Variants in PITPNM3 observed in about 807,000 individuals in gnomAD.
The protein encoded by PITPNM3 is membrane-associated phosphatidylinositol transfer protein 3.
A neutral mutation model predicts 102.0 loss-of-function variants in PITPNM3; 26 were observed. The observed-to-expected ratio is 0.25, with a 90% CI of 0.19 to 0.35. The LOEUF is 0.35. Ranked by LOEUF, PITPNM3 falls within the 10% of genes least tolerant of loss-of-function variation. The probability of loss-of-function intolerance (pLI) is 1.00; values close to 1 mark genes in which losing one functional copy is unlikely to be tolerated. For missense variants in PITPNM3, 1,083 were observed against 1,346.1 expected (o/e 0.80, Z 3.06); for synonymous variants, 578 against 558.6 (o/e 1.03, Z -0.49).
chr17:6,465,346 C>A (rs182537803), intron 14 of PITPNM3, among the ~76,000 whole-genome samples: 1 of 152,314 alleles, frequency 6.6e-6, no homozygotes, highest in African/African-American at 2.4e-5. Flanking sequence ...GTGCCTGGCC[C>A]GTTCTCTGTT....
At chr17:6,494,506 C>G (rs774981933) in intron 4 of PITPNM3, among the ~76,000 whole-genome samples, 1 of 152,234 alleles carries the variant, frequency 6.6e-6, no homozygotes, top group Non-Finnish European at 1.5e-5. Context: ...TAACCCCTGC[C>G]AAGTGTGTGC....
chr17:6,472,470 A>G lies in PITPNM3; in HGVS notation c.1429+187T>C, dbSNP rs1905116663. Among the ~76,000 whole-genome samples the G allele has an allele frequency of 2.6e-5, 4 of 152,254 alleles. No individual in the cohort carries two copies. Reference sequence around the variant, plus strand: ...GCCTGTTGGGGGCCTCTGAGCCCCAAGATGCCTCAGACAAGCAGGTGCTTA... The same window carrying G: ...GCCTGTTGGGGGCCTCTGAGCCCCAGGATGCCTCAGACAAGCAGGTGCTTA... On this transcript the variant is annotated intron_variant, in intron 11 of 19. Coordinates refer to ENST00000262483, the MANE Select transcript of PITPNM3 (RefSeq NM_031220.4). The surrounding 1 kb of genome is among the most constrained non-coding windows in gnomAD (Gnocchi z 4.1).
At chr17:6,556,000 G>C (rs1243237087) in intron 1 of PITPNM3, among the ~76,000 whole-genome samples, 13 of 152,178 alleles carry the variant, frequency 8.5e-5, no homozygotes, top group Admixed American at 8.5e-4. Context: ...GCGCGTCCCG[G>C]TTTGCGTTGG....
At chr17:6,503,623 G>A (rs1907319007) in intron 3 of PITPNM3, 49 bp from the exon 4 acceptor site, 1 of 1,589,542 alleles carries the variant, frequency 6.3e-7, no homozygotes, top group Non-Finnish European at 8.5e-7. Context: ...ACTGTTGCCA[G>A]GCACTGTGTT....
In PITPNM3 at chr17:6,507,938, T is replaced by C. The variant is rs140832106; in HGVS notation, c.227-4364A>G. Among the ~76,000 whole-genome samples, 323 of 150,730 alleles carry C rather than the reference T, an allele frequency of 2.1e-3. 3 individuals are homozygous for C. The highest frequency in any genetic ancestry group is 7.5e-3 in the African/African-American group (305 of 40,594). On this transcript the variant is annotated intron_variant, in intron 3 of 19. Coordinates refer to ENST00000262483, the MANE Select transcript of PITPNM3 (RefSeq NM_031220.4). ...GTCCAGAGGTGGGGAGGTGGGAAAG[T>C]TGGGGAGGTGGGCAAGGATGAGAGC... is the stretch of plus-strand genomic sequence containing the variant.
intron 6 of PITPNM3, chr17:6,479,799 G>A (rs894477419): frequency 4.6e-5 from 7 of 152,244 alleles, no homozygotes; most frequent in Admixed American, 2.0e-4. Flanking sequence ...GATTGCAGCC[G>A]GAGAGATTTT....
chr17:6,507,821 T>C (rs917939822), intron 3 of PITPNM3, among the ~76,000 whole-genome samples: 3 of 152,110 alleles, frequency 2.0e-5, no homozygotes, highest in African/African-American at 7.2e-5. Context: ...GCCAAGTCCA[T>C]AGTCGGTACT....
intron 1 of PITPNM3, among the ~76,000 whole-genome samples, chr17:6,538,928 T>G (rs1299066537): frequency 6.6e-6 from 1 of 152,148 alleles, no homozygotes; most frequent in Admixed American, 6.5e-5. Flanking sequence ...CCCCCTACCC[T>G]GCAGGATGCT....
At chr17:6,484,727 G>C (rs892675531) in intron 4 of PITPNM3, among the ~76,000 whole-genome samples, 1 of 152,216 alleles carries the variant, frequency 6.6e-6, no homozygotes, top group Non-Finnish European at 1.5e-5. Flanking sequence ...ACTGGGCTGA[G>C]AGGTGCCCAG....
chr17:6,452,997 T>TCCC lies in PITPNM3; in HGVS notation c.*2340_*2341insGGG, dbSNP rs1913919330. 1 of 72,970 alleles carries TCCC rather than the reference T, an allele frequency of 1.4e-5. No homozygotes were observed. The highest frequency in any genetic ancestry group is 5.6e-5 in the African/African-American group (1 of 17,744). 4.5% of individuals were successfully genotyped at this position (72,970 alleles called of 1,614,324 possible). On this transcript the variant is annotated 3_prime_UTR_variant, in exon 20 of 20. Coordinates refer to ENST00000262483, the MANE Select transcript of PITPNM3 (RefSeq NM_031220.4). The stretch of plus-strand genomic sequence containing the variant: ...CTCTTCCTCTCTCTCTCTCTCTGTC[T>TCCC]TCCTTTCTCTCTCTCTCTCTCTCTC...
At chr17:6,545,697 A>G (rs1233955192) in intron 1 of PITPNM3, among the ~76,000 whole-genome samples, 2 of 152,090 alleles carry the variant, frequency 1.3e-5, no homozygotes, top group Non-Finnish European at 2.9e-5. Context: ...ATTCCTATTG[A>G]TGCTTGAAGC....
At chr17:6,455,901 G>A (rs1225901350) in intron 19 of PITPNM3, among the ~76,000 whole-genome samples, 1 of 151,676 alleles carries the variant, frequency 6.6e-6, no homozygotes, top group Non-Finnish European at 1.5e-5. Context: ...AGGAACCCTG[G>A]GGAAGTCGGG....
chr17:6,522,296 A>G (rs1198434483), intron 3 of PITPNM3, among the ~76,000 whole-genome samples: 1 of 152,042 alleles, frequency 6.6e-6, no homozygotes, highest in Non-Finnish European at 1.5e-5. Context: ...GCACACACAC[A>G]CACACACACA....
chr17:6,504,506 G>T (rs898621958), intron 3 of PITPNM3, among the ~76,000 whole-genome samples: 2 of 152,158 alleles, frequency 1.3e-5, no homozygotes, highest in African/African-American at 4.8e-5. Flanking sequence ...TGGGGTCATG[G>T]CCCCCGGGCT....
Position 6,455,219 on chromosome 17 carries a change from A to G in PITPNM3, c.*119T>C. 1.5e-6 allele frequency: 2 copies of G among 1,307,232 alleles called. No individual in the cohort carries two copies. Among genetic ancestry groups the G allele is most frequent in the Non-Finnish European group, 2.0e-6 (2 of 976,130 alleles). The allele number at this position is 1,307,232 out of a possible 1,614,324, so 81.0% of individuals were successfully genotyped here. A position where few individuals can be genotyped will look rare whatever the true frequency, so the allele number is the denominator to read the frequency against. On this transcript the variant is annotated 3_prime_UTR_variant, in exon 20 of 20. Coordinates refer to ENST00000262483, the MANE Select transcript of PITPNM3 (RefSeq NM_031220.4). ...CCCCGCTCTGGTCGGACACTGCTGG[A>G]CAGACACGGGAGGGAAAAAGCAGGA...
At chr17:6,490,012 A>T (rs8073106) in intron 4 of PITPNM3, among the ~76,000 whole-genome samples, 2 of 152,048 alleles carry the variant, frequency 1.3e-5, no homozygotes, top group Non-Finnish European at 1.5e-5. Context: ...ATCTCAAAAA[A>T]AAAAATAAAA....
At position 6,497,359 on chromosome 17, in the gene PITPNM3, C is replaced by T. The variant is rs115553781; in HGVS notation, c.274+6168G>A. 1.9e-3 allele frequency among the ~76,000 whole-genome samples: 296 copies of T among 152,238 alleles called. 1 individual carries two copies. Among genetic ancestry groups the T allele is most frequent in the African/African-American group, 6.5e-3 (269 of 41,540 alleles). On this transcript the variant is annotated intron_variant, in intron 4 of 19. Coordinates refer to ENST00000262483, the MANE Select transcript of PITPNM3 (RefSeq NM_031220.4). ...GGTGCGAAGTCAAACCACATGCCCA[C>T]GATGGGGAGAGGTGAGCTGAGCCAT...
At chr17:6,546,825 C>G (rs757837510) in intron 1 of PITPNM3, among the ~76,000 whole-genome samples, 3 of 152,074 alleles carry the variant, frequency 2.0e-5, no homozygotes, top group African/African-American at 7.2e-5. Flanking sequence ...GCCAACAGGG[C>G]GAAACCCCAT....
At chr17:6,545,064 C>T (rs981948339) in intron 1 of PITPNM3, among the ~76,000 whole-genome samples, 4 of 152,150 alleles carry the variant, frequency 2.6e-5, no homozygotes, top group African/African-American at 9.7e-5. Context: ...ACCACCATCC[C>T]GCTCCCACCT....
Sources: allele counts gnomAD v4.1 joint callset (sites outside exome capture counted in the v4.1 genomes callset), GRCh38; gene constraint gnomAD v4.1.1; non-coding constraint Gnocchi (gnomAD v3.1); transcripts MANE v1.5; gene names NCBI Gene and HGNC (gene_info 2026-07-23, HGNC 2026-07-21).